Variants in DHX57 observed in about 807,000 individuals in gnomAD.
DHX57 encodes the protein putative ATP-dependent RNA helicase DHX57.
Under a neutral mutation model 156.2 loss-of-function variants are expected in DHX57, and 105 were observed. That is an observed-to-expected ratio of 0.67 (90% CI 0.57 to 0.79). The LOEUF is 0.79. DHX57 is among the 30% of genes least tolerant of loss of function. The probability of loss-of-function intolerance (pLI) is 0.00; values close to 1 mark genes in which losing one functional copy is unlikely to be tolerated. For synonymous variants in DHX57, 704 were observed against 595.6 expected (o/e 1.18, Z -2.65); for missense variants, 1,847 against 1,661.9 (o/e 1.11, Z -1.94).
At chr2:38,836,909 G>A (rs1436252594) in intron 13 of DHX57, among the ~76,000 whole-genome samples, 2 of 152,054 alleles carry the variant, frequency 1.3e-5, no homozygotes, top group Non-Finnish European at 2.9e-5. Context: ...CTGGAGTGCA[G>A]TGGTGCGATC....
intron 21 of DHX57, among the ~76,000 whole-genome samples, chr2:38,809,150 C>T (rs1670105084): frequency 6.6e-6 from 1 of 152,124 alleles, no homozygotes; most frequent in Non-Finnish European, 1.5e-5. Flanking sequence ...GACAGTGTCT[C>T]ACTCTGTCAC....
rs760398196 is a variant in DHX57, at chr2:38,861,553, C to A, written c.857G>T (p.Arg286Leu). Residue 286 changes from arginine to leucine, a missense_variant, in exon 5 of 24, where the codon CGC becomes CTC. Arg to Leu is a moderately radical substitution (Grantham distance 102). Transcript: ENST00000457308. Reference sequence around the variant, plus strand: ...GGTACTTTCTTTTGGCTTGGATTTGCGGAATCTACTTGTCAGATACTCCAG... The same window carrying A: ...GGTACTTTCTTTTGGCTTGGATTTGAGGAATCTACTTGTCAGATACTCCAG... ...LELEYLTSRF[R>L]KSKPKESTKN... 5 of 1,614,074 alleles carry A rather than the reference C, an allele frequency of 3.1e-6. No homozygotes were observed. The highest frequency in any genetic ancestry group is 4.2e-6 in the Non-Finnish European group (5 of 1,180,004).
intron 6 of DHX57, among the ~76,000 whole-genome samples, chr2:38,857,457 A>T (rs1441116207): frequency 2.0e-5 from 3 of 152,216 alleles, no homozygotes; most frequent in Non-Finnish European, 4.4e-5. Flanking sequence ...ATATAATTTT[A>T]TCATAAACTT....
intron 9 of DHX57, among the ~76,000 whole-genome samples, chr2:38,852,271 G>A (rs1672639197): frequency 6.7e-6 from 1 of 149,540 alleles, no homozygotes; most frequent in Non-Finnish European, 1.5e-5. Context: ...CCGCCTCCCA[G>A]GTTCAAGCGA....
Position 38,798,416 on chromosome 2 carries a change from A to T in DHX57, c.4044T>A (p.Arg1348=), listed in dbSNP as rs542854319. The change falls in exon 24 of 24, where the codon CGT becomes CGA. Residue 1348 remains arginine, a synonymous_variant. Transcript: ENST00000457308. The stretch of plus-strand genomic sequence containing the variant: ...CCTGGAGAAGCTGATCAAGTTCGCA[A>T]CGAAGCTCCTTTACCAGTTCAGCCA... ...HQVAELVKEL[R]CELDQLLQDK... 7.2e-5 allele frequency: 116 copies of T among 1,613,830 alleles called. 1 individual carries two copies. The Admixed American group carries it at 1.2e-3, about 17-fold the overall frequency.
In DHX57 at chr2:38,862,256, T is replaced by C; in HGVS notation, c.461A>G (p.Glu154Gly). Reference sequence around the variant, plus strand: ...ATCCAAGTCGGGAACGAGGGAAGGTTCCTGTCCAGCTGGCCAGTACCGCTC... The same window carrying C: ...ATCCAAGTCGGGAACGAGGGAAGGTCCCTGTCCAGCTGGCCAGTACCGCTC... ...NDERYWPAGQ[E>G]PSLVPDLDPL... The change falls in exon 4 of 24, where the codon GAA becomes GGA. Residue 154 changes from glutamate (E) to glycine (G), a missense_variant. Physicochemically the swap from Glu to Gly is moderately conservative, Grantham distance 98. Coordinates refer to ENST00000457308, the MANE Select transcript of DHX57 (RefSeq NM_198963.3). 1 of 1,613,972 alleles carries C rather than the reference T, an allele frequency of 6.2e-7. No homozygotes were observed. The highest frequency in any genetic ancestry group is 8.5e-7 in the Non-Finnish European group (1 of 1,179,884).
At chr2:38,837,521 G>T (rs1471411126) in intron 13 of DHX57, among the ~76,000 whole-genome samples, 2 of 150,746 alleles carry the variant, frequency 1.3e-5, no homozygotes, top group African/African-American at 2.4e-5. Flanking sequence ...TGAGGCAGGA[G>T]AATCGCTTGA....
chr2:38,863,311 G>A (rs1412952431), intron 3 of DHX57, 50 bp downstream of exon 3: 1 of 1,563,338 alleles, frequency 6.4e-7, no homozygotes, highest in Admixed American at 1.8e-5. Flanking sequence ...CCTTCACACT[G>A]CCAGTATGTT....
chr2:38,824,220 A>T (rs1395436319), intron 16 of DHX57, among the ~76,000 whole-genome samples: 5 of 152,204 alleles, frequency 3.3e-5, no homozygotes, highest in Non-Finnish European at 7.3e-5. Context: ...TATGGATGAA[A>T]CCTTGAGGAC....
intron 1 of DHX57, among the ~76,000 whole-genome samples, chr2:38,874,384 C>A (rs969037377): frequency 6.7e-6 from 1 of 149,586 alleles, no homozygotes; most frequent in Non-Finnish European, 1.5e-5. Flanking sequence ...AGCCACTGTG[C>A]CTAGTTGAAA....
rs908975886 is a variant in DHX57 at position 38,855,108 on chromosome 2, T to C, written c.1854A>G (p.Ala618=). ...SVAERVAKER[A]ERVGLTVGYQ... The stretch of plus-strand genomic sequence containing the variant: ...ATCCCACGGTCAGACCCACCCTCTC[T>C]GCTCTTTCTTTAGCAACGCGTTCAG... Residue 618 remains alanine, a synonymous_variant, in exon 8 of 24, where the codon GCA becomes GCG. Coordinates refer to ENST00000457308, the MANE Select transcript of DHX57 (RefSeq NM_198963.3). 6.2e-7 allele frequency: 1 copy of C among 1,614,008 alleles called. No individual in the cohort carries two copies. The highest frequency in any genetic ancestry group is 1.3e-5 in the African/African-American group (1 of 74,900).
At chr2:38,833,205 C>A (rs148831105) in intron 13 of DHX57, among the ~76,000 whole-genome samples, 1 of 151,848 alleles carries the variant, frequency 6.6e-6, no homozygotes, top group Non-Finnish European at 1.5e-5. Context: ...TGCGGTGGCG[C>A]GATCTTGGCT....
rs111297973 is a variant in DHX57 at position 38,863,779 on chromosome 2, G to A, written c.225-260C>T. ...TGTAATCCTGGCACTTTGGGAGGCCGAGGCTGGCGGATCACCTGAGGTCAG... is the reference window on the plus strand; with the variant it reads ...TGTAATCCTGGCACTTTGGGAGGCCAAGGCTGGCGGATCACCTGAGGTCAG... On this transcript the variant is annotated intron_variant, in intron 2 of 23. Transcript: ENST00000457308. Among the ~76,000 whole-genome samples, 519 of 152,268 alleles carry A rather than the reference G, an allele frequency of 3.4e-3. 3 individuals are homozygous for A. The highest frequency in any genetic ancestry group is 5.8e-3 in the Non-Finnish European group (393 of 67,998).
chr2:38,798,409 G>A lies in DHX57; in HGVS notation c.4051C>T (p.Leu1351Phe). ...AELVKELRCE[L>F]DQLLQDKIKN... ...ATTTTATCCTGGAGAAGCTGATCAA[G>A]TTCGCAACGAAGCTCCTTTACCAGT... The change falls in exon 24 of 24, where the codon CTT becomes TTT. Residue 1351 changes from leucine (L) to phenylalanine (F), a missense_variant. Leu to Phe is a conservative substitution (Grantham distance 22). Coordinates refer to ENST00000457308, the MANE Select transcript of DHX57 (RefSeq NM_198963.3). The A allele has an allele frequency of 3.7e-6, 6 of 1,613,972 alleles. No homozygotes were observed. The highest frequency in any genetic ancestry group is 5.1e-6 in the Non-Finnish European group (6 of 1,179,958).
intron 23 of DHX57, 125 bp downstream of exon 23, chr2:38,802,590 C>T (rs909547440): frequency 2.8e-5 from 34 of 1,225,568 alleles, no homozygotes; most frequent in African/African-American, 2.0e-4. Context: ...GCTCGGCCAC[C>T]GTCATTCATT....
At chr2:38,828,714 C>T (rs1671232737) in intron 13 of DHX57, among the ~76,000 whole-genome samples, 1 of 149,880 alleles carries the variant, frequency 6.7e-6, no homozygotes, top group African/African-American at 2.5e-5. Context: ...CAGAGCAAGA[C>T]CCTTTCTCAA....
chr2:38,798,516 G>A (rs991571097), intron 23 of DHX57, 74 bp from the exon 24 acceptor site: 9 of 1,455,626 alleles, frequency 6.2e-6, no homozygotes, highest in Admixed American at 4.8e-5. Context: ...AAATACCCAA[G>A]TTATGATTAC....
intron 12 of DHX57, among the ~76,000 whole-genome samples, chr2:38,841,399 A>G (rs1671990081): frequency 6.6e-6 from 1 of 152,236 alleles, no homozygotes; most frequent in South Asian, 2.1e-4. Flanking sequence ...TTGAACCCAG[A>G]TCTATAAAAC....
chr2:38,829,222 C>A (rs1315876521), intron 13 of DHX57, among the ~76,000 whole-genome samples: 1 of 151,758 alleles, frequency 6.6e-6, no homozygotes, highest in African/African-American at 2.4e-5. Context: ...GGATTACAGG[C>A]ATGAGCCACT....
Sources: gnomAD v4.1 joint callset for allele counts (sites outside exome capture counted in the v4.1 genomes callset) on GRCh38, gnomAD v4.1.1 for gene constraint, MANE v1.5 for transcripts, NCBI Gene and HGNC (gene_info 2026-07-23, HGNC 2026-07-21) for gene names.